Variants in SLC6A16 observed in about 807,000 individuals in gnomAD.
The protein encoded by SLC6A16 is orphan sodium- and chloride-dependent neurotransmitter transporter NTT5.
In SLC6A16, 54 loss-of-function variants were observed where a neutral mutation model predicts 65.4. The ratio of observed to expected loss-of-function variants is 0.83; its 90% CI spans 0.66 to 1.04. The LOEUF (loss-of-function observed/expected upper bound fraction) is 1.04. Ranked by LOEUF, SLC6A16 falls within the 50% of genes least tolerant of loss-of-function variation. The probability of loss-of-function intolerance (pLI) is 0.00; values close to 1 mark genes in which losing one functional copy is unlikely to be tolerated. For synonymous variants in SLC6A16, 330 were observed against 346.5 expected, an observed-to-expected ratio of 0.95 and a Z score of 0.53; for missense variants, 816 against 914.0, an observed-to-expected ratio of 0.89 and a Z score of 1.38.
At chr19:49,340,181 C>T in the SLC6A16 span, 1 of 1,521,906 alleles carries the variant, frequency 6.6e-7, no homozygotes, top group Non-Finnish European at 9.1e-7. Context: ...CCTTTCTCGC[C>T]CGGGTGGGCA....
the SLC6A16 span, chr19:49,338,835 A>G: frequency 6.2e-7 from 1 of 1,614,108 alleles, no homozygotes; most frequent in East Asian, 2.2e-5. This position sits in a 1 kb window ranked among gnomAD's most constrained non-coding sequence, Gnocchi z 5.0. Context: ...AATCCTAGAT[A>G]AGGTGATCTT....
At chr19:49,303,744 G>A (rs143328644) in intron 7 of SLC6A16, among the ~76,000 whole-genome samples, 2,627 of 151,930 alleles carry the variant, frequency 0.017, 37 homozygotes, top group Non-Finnish European at 0.029. Context: ...ATTTATACAA[G>A]TGATAAGGTT....
At chr19:49,302,565 T>C (rs896475127) in intron 7 of SLC6A16, among the ~76,000 whole-genome samples, 4 of 152,134 alleles carry the variant, frequency 2.6e-5, no homozygotes, top group Non-Finnish European at 5.9e-5. Flanking sequence ...TTCTCAAGAC[T>C]ATAAAAATCA....
chr19:49,330,949 A>G, the SLC6A16 span, among the ~76,000 whole-genome samples: 1 of 151,804 alleles, frequency 6.6e-6, no homozygotes, highest in Non-Finnish European at 1.5e-5. Flanking sequence ...AAAAACACAA[A>G]AAAAAAAACA....
intron 1 of SLC6A16, among the ~76,000 whole-genome samples, chr19:49,318,196 A>G (rs1970647779): frequency 6.6e-6 from 1 of 152,216 alleles, no homozygotes; most frequent in Admixed American, 6.5e-5. Context: ...AAGGAAAGAA[A>G]AGTACTGGGG....
intron 7 of SLC6A16, among the ~76,000 whole-genome samples, chr19:49,295,257 G>A (rs1313182147): frequency 1.3e-5 from 2 of 152,060 alleles, no homozygotes; most frequent in East Asian, 1.9e-4. Context: ...GCACGTGCCT[G>A]TAGTCCCAGC....
rs780593000 is a variant in SLC6A16, at chr19:49,310,146, CAGGCCGAGGATGAAGCACACCTG to C, written c.574-3_593del. The C allele has an allele frequency of 6.2e-7, 1 of 1,614,016 alleles. No homozygotes were observed. The highest frequency in any genetic ancestry group is 1.1e-5 in the South Asian group (1 of 91,076). Reference sequence around the variant, plus strand: ...TCCAGGAATTGACCACATTGAAGTACAGGCCGAGGATGAAGCACACCTGGGGGCCAAGGAGGATATGGCTGGGG... The same window carrying C: ...TCCAGGAATTGACCACATTGAAGTACGGGGCCAAGGAGGATATGGCTGGGG... On this transcript the variant is annotated splice_acceptor_variant and splice_polypyrimidine_tract_variant and coding_sequence_variant and intron_variant, in exon 4 of 12. Transcript: ENST00000335875. LOFTEE classifies it high-confidence loss of function.
intron 10 of SLC6A16, 169 bp downstream of exon 10, chr19:49,293,054 A>C: frequency 1.7e-6 from 1 of 589,088 alleles, no homozygotes; most frequent in South Asian, 2.5e-5. Context: ...CATATTCAGC[A>C]CCCAAAATAT....
At chr19:49,332,041 A>T in the SLC6A16 span, 28 of 453,696 alleles carry the variant, frequency 6.2e-5, no homozygotes, top group East Asian at 3.5e-4. Context: ...GAACAACAGA[A>T]ATGTATTCTC....
intron 7 of SLC6A16, among the ~76,000 whole-genome samples, chr19:49,304,864 CA>C (rs1335735877): frequency 6.6e-6 from 1 of 152,128 alleles, no homozygotes; most frequent in Non-Finnish European, 1.5e-5. Context: ...TAAACTATGA[CA>C]ATACAAGTAT....
chr19:49,339,719 C>T, the SLC6A16 span: 1 of 1,401,138 alleles, frequency 7.1e-7, no homozygotes, highest in Admixed American at 3.1e-5. The surrounding 1 kb of genome is among the most constrained non-coding windows in gnomAD (Gnocchi z 4.5). Context: ...AAATGCGAGC[C>T]GCACGTGCCG....
chr19:49,334,388 A>G, the SLC6A16 span, among the ~76,000 whole-genome samples: 1 of 152,174 alleles, frequency 6.6e-6, no homozygotes, highest in East Asian at 1.9e-4. Flanking sequence ...TGGGAGGCTG[A>G]GGTGCAAGGA....
intron 8 of SLC6A16, 152 bp from the exon 9 acceptor site, chr19:49,294,180 G>A: frequency 4.4e-6 from 4 of 906,660 alleles, no homozygotes; most frequent in Non-Finnish European, 6.6e-6. Flanking sequence ...CCCTGACATG[G>A]AAAATCAATC....
rs1394184542 is a variant in SLC6A16 at position 49,293,396 on chromosome 19, G to A, written c.1619-14C>T. On this transcript the variant is annotated splice_polypyrimidine_tract_variant and intron_variant, in intron 9 of 11. Transcript: ENST00000335875. ...AAAAGACTCCCACTGGAGAAAACAT[G>A]AGATCTGGATCAAGGTTAGAAGTCA... is the stretch of plus-strand genomic sequence containing the variant. 6.2e-7 allele frequency: 1 copy of A among 1,613,706 alleles called. No individual in the cohort carries two copies. The highest frequency in any genetic ancestry group is 2.2e-5 in the East Asian group (1 of 44,876).
intron 7 of SLC6A16, among the ~76,000 whole-genome samples, chr19:49,303,657 AAAAAAAAAG>A (rs1271271659): frequency 2.8e-5 from 3 of 105,274 alleles, no homozygotes; most frequent in African/African-American, 2.9e-5. Context: ...TGTCTCAAAA[AAAAAAAAAG>A]AAAAAAGAAA....
intron 1 of SLC6A16, among the ~76,000 whole-genome samples, chr19:49,319,505 GTA>G (rs1274236431): frequency 6.7e-6 from 1 of 149,994 alleles, no homozygotes; most frequent in Non-Finnish European, 1.5e-5. Context: ...ACATATATGT[GTA>G]TATGTGTATA....
the SLC6A16 span, chr19:49,339,599 G>T: frequency 6.9e-7 from 1 of 1,442,224 alleles, no homozygotes; most frequent in Non-Finnish European, 9.1e-7. This position sits in a 1 kb window ranked among gnomAD's most constrained non-coding sequence, Gnocchi z 4.5. Context: ...GCCCTGATTG[G>T]GTGTACGCAG....
At chr19:49,318,855 A>G in intron 1 of SLC6A16, among the ~76,000 whole-genome samples, 1 of 140,172 alleles carries the variant, frequency 7.1e-6, no homozygotes, top group East Asian at 2.1e-4. Flanking sequence ...GGTGTGCACC[A>G]CCACAACTGG....
chr19:49,290,095 T>C lies in SLC6A16; in HGVS notation c.*28A>G, dbSNP rs1157549270. 6.2e-7 allele frequency: 1 copy of C among 1,605,852 alleles called. No homozygotes were observed. Among genetic ancestry groups the C allele is most frequent in the Non-Finnish European group, 8.5e-7 (1 of 1,175,348 alleles). On this transcript the variant is annotated 3_prime_UTR_variant, in exon 12 of 12. Coordinates refer to ENST00000335875, the MANE Select transcript of SLC6A16 (RefSeq NM_014037.3). ...TGTCTATTGGATCTGTTCTAAGGGATATGTTATGTGAAGCCAAATTAATGA... is the reference window on the plus strand; with the variant it reads ...TGTCTATTGGATCTGTTCTAAGGGACATGTTATGTGAAGCCAAATTAATGA...
Sources: gnomAD v4.1 joint callset for allele counts (sites outside exome capture counted in the v4.1 genomes callset) on GRCh38, gnomAD v4.1.1 for gene constraint, Gnocchi (gnomAD v3.1) non-coding constraint, MANE v1.5 for transcripts, NCBI Gene and HGNC (gene_info 2026-07-23, HGNC 2026-07-21) for gene names.